SCAP: variants seen among roughly 807,000 people sequenced by gnomAD.
The protein encoded by SCAP is SREBF chaperone, also known as sterol regulatory element-binding protein cleavage-activating protein.
Under a neutral mutation model 123.6 loss-of-function variants are expected in SCAP, and 65 were observed. That is an observed-to-expected ratio of 0.53 (90% CI 0.43 to 0.65). SCAP has a LOEUF of 0.65. Among genes scored for constraint, SCAP ranks in the 30% least tolerant of loss-of-function variants. SCAP has a pLI of 0.00. For synonymous variants in SCAP, 740 were observed against 726.3 expected, an observed-to-expected ratio of 1.02 and a Z score of -0.30; for missense variants, 1,398 against 1,712.5, an observed-to-expected ratio of 0.82 and a Z score of 3.24.
In SCAP at chr3:47,419,951, C is replaced by A. The variant is rs1281006066; in HGVS notation, c.1564-247G>T. On this transcript the variant is annotated intron_variant, in intron 12 of 22. Coordinates refer to ENST00000265565, the MANE Select transcript of SCAP (RefSeq NM_012235.4). This position sits in a 1 kb window ranked among gnomAD's most constrained non-coding sequence, Gnocchi z 5.0. ...CTGAGTTTCTTGGCCTGGAAATACACTGAAGCACCCTGAGGTTTGACACAG... is the reference window on the plus strand; with the variant it reads ...CTGAGTTTCTTGGCCTGGAAATACAATGAAGCACCCTGAGGTTTGACACAG... 6.6e-6 allele frequency among the ~76,000 whole-genome samples: 1 copy of A among 152,206 alleles called. No homozygotes were observed. The highest frequency in any genetic ancestry group is 2.4e-5 in the African/African-American group (1 of 41,450).
intron 8 of SCAP, among the ~76,000 whole-genome samples, chr3:47,424,917 T>C (rs1473713134): frequency 6.6e-6 from 1 of 152,128 alleles, no homozygotes; most frequent in Non-Finnish European, 1.5e-5. Flanking sequence ...GGGAAGGGCT[T>C]CCAGACTAAG....
chr3:47,424,081 G>A, intron 8 of SCAP, 36 bp from the exon 9 acceptor site: 6 of 1,533,762 alleles, frequency 3.9e-6, no homozygotes, highest in Non-Finnish European at 5.4e-6. Context: ...GGACAGTGTT[G>A]TGGTGGTTCC....
intron 9 of SCAP, chr3:47,422,802 A>T (rs867314047): frequency 2.9e-6 from 1 of 345,462 alleles, no homozygotes; most frequent in East Asian, 4.6e-5. Flanking sequence ...AAGAGGGAAG[A>T]AGCAGAGTGT....
chr3:47,460,484 C>T (rs943390679), intron 1 of SCAP, among the ~76,000 whole-genome samples: 5 of 152,206 alleles, frequency 3.3e-5, no homozygotes, highest in African/African-American at 1.2e-4. Flanking sequence ...TCTGCCGCGG[C>T]TCCAGCCAGT....
intron 1 of SCAP, among the ~76,000 whole-genome samples, chr3:47,447,513 C>T (rs1026615169): frequency 6.6e-6 from 1 of 152,010 alleles, no homozygotes; most frequent in Non-Finnish European, 1.5e-5. Flanking sequence ...TATGGTGAAA[C>T]CTCTTCTCTA....
intron 1 of SCAP, among the ~76,000 whole-genome samples, chr3:47,445,467 C>T (rs966548809): frequency 6.6e-6 from 1 of 151,586 alleles, no homozygotes; most frequent in Non-Finnish European, 1.5e-5. Flanking sequence ...AGGCTGCTCT[C>T]GAACTCCTAA....
At chr3:47,467,595 C>G (rs987542231) in intron 1 of SCAP, among the ~76,000 whole-genome samples, 1 of 151,128 alleles carries the variant, frequency 6.6e-6, no homozygotes, top group African/African-American at 2.4e-5. Flanking sequence ...GCAAGAAGAC[C>G]CCGTCTCAAG....
At chr3:47,470,697 C>A (rs1707993929) in intron 1 of SCAP, among the ~76,000 whole-genome samples, 1 of 152,158 alleles carries the variant, frequency 6.6e-6, no homozygotes, top group East Asian at 1.9e-4. Flanking sequence ...ATCCCATCTA[C>A]TAAAAGTACA....
At chr3:47,417,898 A>AGAGGGGGCGGGGGAGACGGGT in intron 16 of SCAP, 72 bp from the exon 17 acceptor site, 2 of 284,018 alleles carry the variant, frequency 7.0e-6, no homozygotes. Context: ...GACGGGGGTG[A>AGAGGGGGCGGGGGAGACGGGT]GAGGGGGCGT....
intron 2 of SCAP, among the ~76,000 whole-genome samples, chr3:47,438,150 T>C (rs1706657876): frequency 6.6e-6 from 1 of 152,238 alleles, no homozygotes. Flanking sequence ...ACTGGCCACT[T>C]GGATATAGCA....
chr3:47,452,204 C>A (rs1013742181), intron 1 of SCAP, among the ~76,000 whole-genome samples: 8 of 152,148 alleles, frequency 5.3e-5, no homozygotes, highest in African/African-American at 1.7e-4. Context: ...AAATAAACTC[C>A]CTGTCTGTTC....
In SCAP at chr3:47,418,339, C is replaced by A. The variant is rs751741789; in HGVS notation, c.2313G>T (p.Val771=). Residue 771 remains valine (V), a synonymous_variant, in exon 15 of 23, where the codon GTG becomes GTT. Transcript: ENST00000265565. ...TGCTCACCATGAGGTGGCCGCGCAG[C>A]ACAAGCGGCACGATCTCCGTCTCGG... ...APPETEIVPL[V]LRGHLMDIEC... The A allele has an allele frequency of 2.8e-5, 44 of 1,567,022 alleles. No individual in the cohort carries two copies. Among genetic ancestry groups the A allele is most frequent in the Non-Finnish European group, 3.7e-5 (43 of 1,157,062 alleles).
chr3:47,471,284 T>C (rs1354771561), intron 1 of SCAP, among the ~76,000 whole-genome samples: 2 of 152,170 alleles, frequency 1.3e-5, no homozygotes, highest in African/African-American at 4.8e-5. Flanking sequence ...GATTTGGCTA[T>C]AAGAATACAA....
At chr3:47,416,191 A>G (rs370276700) in intron 18 of SCAP, among the ~76,000 whole-genome samples, 18 of 152,362 alleles carry the variant, frequency 1.2e-4, no homozygotes, top group African/African-American at 4.1e-4. Flanking sequence ...AGTGTGGGAC[A>G]GGCAGGCAAA....
intron 1 of SCAP, among the ~76,000 whole-genome samples, chr3:47,464,828 A>C (rs1707767068): frequency 6.6e-6 from 1 of 152,178 alleles, no homozygotes; most frequent in African/African-American, 2.4e-5. Flanking sequence ...GAAGTAGTAA[A>C]ATTATTTCCG....
rs1323631347 is a variant in SCAP at position 47,445,062 on chromosome 3, G to A, written c.-98-1971C>T. 2.0e-5 allele frequency among the ~76,000 whole-genome samples: 3 copies of A among 150,640 alleles called. No individual in the cohort carries two copies. The South Asian group carries it at 6.3e-4, about 32-fold the overall frequency. ...GCTGGGATTACAGGCATGAGGCACC[G>A]AGCCCAGCCACTTCATTACTTTTTA... On this transcript the variant is annotated intron_variant, in intron 1 of 22. Transcript: ENST00000265565.
chr3:47,441,874 CTTTTTTTTTTTTTTTT>C (rs1160447716), intron 2 of SCAP, among the ~76,000 whole-genome samples: 1 of 76,410 alleles, frequency 1.3e-5, no homozygotes, highest in Non-Finnish European at 2.3e-5. Flanking sequence ...GTTCATCTTT[CTTTTTTTTTTTTTTTT>C]TTTTTTTTGG....
In SCAP at chr3:47,427,605, C is replaced by G. The variant is rs774963308; in HGVS notation, c.473G>C (p.Arg158Thr). Residue 158 changes from arginine to threonine, a missense_variant, in exon 5 of 23, where the codon AGG (arginine) becomes ACG (threonine). This residue lies in a region of SCAP where 319 missense variants were observed against 432.4 expected (regional missense o/e 0.74). Coordinates refer to ENST00000265565, the MANE Select transcript of SCAP (RefSeq NM_012235.4). ...CTCAGGGAGTAGGTTCCTGAGCTTC[C>G]TAAGGCCTGGCAGCAGGTCGGTCAC... ...LQVTDLLPGL[R>T]KLRNLLPEHG... The G allele has an allele frequency of 6.2e-6, 10 of 1,614,166 alleles. No homozygotes were observed. The highest frequency in any genetic ancestry group is 8.5e-6 in the Non-Finnish European group (10 of 1,180,022).
intron 10 of SCAP, chr3:47,421,251 G>T: frequency 3.5e-6 from 2 of 570,174 alleles, no homozygotes; most frequent in South Asian, 2.0e-5. Context: ...TCTTCAGAAA[G>T]GGCTGAAAGG....
Sources: allele counts gnomAD v4.1 joint callset (sites outside exome capture counted in the v4.1 genomes callset), GRCh38; gene constraint gnomAD v4.1.1; regional missense constraint gnomAD v4.1.1; non-coding constraint Gnocchi (gnomAD v3.1); transcripts MANE v1.5; gene names NCBI Gene and HGNC (gene_info 2026-07-23, HGNC 2026-07-21).